The following BMP6 variants were observed in gnomAD, a reference collection of about 807,000 sequenced individuals.
BMP6 encodes the protein bone morphogenetic protein 6, also known as VG-1-R.
BMP6 carries 17 observed loss-of-function variants against 54.1 expected under a neutral mutation model. That is an observed-to-expected ratio of 0.31 (90% CI 0.22 to 0.47). The LOEUF (loss-of-function observed/expected upper bound fraction) is 0.47. Ranked by LOEUF, BMP6 falls within the 20% of genes least tolerant of loss-of-function variation. BMP6 has a pLI of 1.00. For missense variants in BMP6, 720 were observed against 690.4 expected (o/e 1.04, Z -0.48); for synonymous variants, 328 against 291.2 (o/e 1.13, Z -1.28).
intron 1 of BMP6, among the ~76,000 whole-genome samples, chr6:7,768,419 C>T (rs1757725774): frequency 6.6e-6 from 1 of 152,074 alleles, no homozygotes; most frequent in African/African-American, 2.4e-5. Context: ...GGTTTCTGCT[C>T]TGGTAAGTTT....
chr6:7,868,529 C>T (rs1759466420), intron 4 of BMP6, among the ~76,000 whole-genome samples: 1 of 152,244 alleles, frequency 6.6e-6, no homozygotes, highest in Non-Finnish European at 1.5e-5. Context: ...AAAGAGCGGC[C>T]AGGCCCATGA....
At chr6:7,826,566 C>T (rs7738330) in intron 1 of BMP6, among the ~76,000 whole-genome samples, 20,875 of 152,180 alleles carry the variant, frequency 0.14, 1,825 homozygotes, top group African/African-American at 0.24. Context: ...CCATCAGTTG[C>T]GCTGATTACT....
intron 1 of BMP6, among the ~76,000 whole-genome samples, chr6:7,728,057 C>T (rs909288956): frequency 2.0e-5 from 3 of 152,112 alleles, no homozygotes. Flanking sequence ...CCGCCTTTTG[C>T]CCCCTAACTT....
intron 1 of BMP6, among the ~76,000 whole-genome samples, chr6:7,806,225 G>T (rs921976792): frequency 4.6e-5 from 7 of 152,210 alleles, no homozygotes; most frequent in Non-Finnish European, 7.3e-5. Flanking sequence ...GCAGATCAGG[G>T]TCTTCAAGTG....
At chr6:7,861,804 A>T (rs1759340054) in intron 3 of BMP6, among the ~76,000 whole-genome samples, 1 of 152,200 alleles carries the variant, frequency 6.6e-6, no homozygotes, top group South Asian at 2.1e-4. Context: ...GGCTTGGGCA[A>T]CTTGGAGACA....
intron 1 of BMP6, among the ~76,000 whole-genome samples, chr6:7,798,733 A>G (rs899722370): frequency 5.3e-5 from 8 of 152,288 alleles, no homozygotes; most frequent in South Asian, 2.1e-4. Context: ...GAGAAAAACT[A>G]TTTCAAAATA....
chr6:7,817,635 A>G (rs1479522259), intron 1 of BMP6, among the ~76,000 whole-genome samples: 1 of 151,950 alleles, frequency 6.6e-6, no homozygotes, highest in African/African-American at 2.4e-5. Flanking sequence ...ATGATGAGTT[A>G]ATGGGTGCAG....
chr6:7,739,378 A>G (rs1158058035), intron 1 of BMP6, among the ~76,000 whole-genome samples: 2 of 152,182 alleles, frequency 1.3e-5, no homozygotes, highest in African/African-American at 4.8e-5. Flanking sequence ...AATATTCTGG[A>G]AGCTTAAATA....
At chr6:7,732,600 A>C (rs966235197) in intron 1 of BMP6, among the ~76,000 whole-genome samples, 1 of 152,226 alleles carries the variant, frequency 6.6e-6, no homozygotes, top group African/African-American at 2.4e-5. Flanking sequence ...CTGTGTCTTC[A>C]GAGAGTAACT....
chr6:7,830,333 C>T (rs187307498), intron 1 of BMP6, among the ~76,000 whole-genome samples: 3 of 152,328 alleles, frequency 2.0e-5, no homozygotes, highest in Admixed American at 6.5e-5. Context: ...TGCTCAGACT[C>T]AGCAAATATT....
At chr6:7,823,941 G>A (rs1758653303) in intron 1 of BMP6, among the ~76,000 whole-genome samples, 1 of 152,208 alleles carries the variant, frequency 6.6e-6, no homozygotes, top group African/African-American at 2.4e-5. Context: ...TACCTACTGG[G>A]AATGATATCA....
Position 7,880,117 on chromosome 6 carries a change from CTTTGT to C in BMP6, c.1392+22_1392+26del, listed in dbSNP as rs566611196. 1.2e-6 allele frequency: 2 copies of C among 1,614,076 alleles called. No homozygotes were observed. The highest frequency in any genetic ancestry group is 1.7e-6 in the Non-Finnish European group (2 of 1,179,966). On this transcript the variant is annotated intron_variant, in intron 6 of 6. Coordinates refer to ENST00000283147, the MANE Select transcript of BMP6 (RefSeq NM_001718.6). The stretch of plus-strand genomic sequence containing the variant: ...GCAGACCTTGGTGAGCTCTCGGAGA[CTTTGT>C]TTTGTAAGTGGGAGTAAGCCAAGAC...
intron 4 of BMP6, among the ~76,000 whole-genome samples, chr6:7,864,447 T>C (rs1759386042): frequency 1.3e-5 from 2 of 152,184 alleles, no homozygotes; most frequent in Non-Finnish European, 2.9e-5. Flanking sequence ...TTGTAGGAAG[T>C]AGGTTCTCAG....
intron 1 of BMP6, among the ~76,000 whole-genome samples, chr6:7,747,080 C>G (rs1004415990): frequency 1.3e-5 from 2 of 152,162 alleles, no homozygotes; most frequent in East Asian, 3.9e-4. Context: ...GTTTTATTTA[C>G]CGAGGACAAT....
rs183092840 is a variant in BMP6 at position 7,799,232 on chromosome 6, A to G, written c.665-45908A>G. Reference sequence around the variant, plus strand: ...TGGAGTGCCAAGCTAATTTGTTAAAATTACTATACTCCTTTCTCAATTATC... The same window carrying G: ...TGGAGTGCCAAGCTAATTTGTTAAAGTTACTATACTCCTTTCTCAATTATC... On this transcript the variant is annotated intron_variant, in intron 1 of 6. Coordinates refer to ENST00000283147, the MANE Select transcript of BMP6 (RefSeq NM_001718.6). 1.9e-4 allele frequency among the ~76,000 whole-genome samples: 29 copies of G among 152,334 alleles called. 2 individuals are homozygous for G. In the East Asian group the frequency reaches 5.6e-3, roughly 29 times the overall value.
chr6:7,778,949 A>T (rs1165283684), intron 1 of BMP6, among the ~76,000 whole-genome samples: 1 of 152,248 alleles, frequency 6.6e-6, no homozygotes, highest in Non-Finnish European at 1.5e-5. Flanking sequence ...TTATACACTG[A>T]GGACAGGTGC....
At chr6:7,847,895 A>G (rs1759089980) in intron 2 of BMP6, among the ~76,000 whole-genome samples, 1 of 152,228 alleles carries the variant, frequency 6.6e-6, no homozygotes, top group Non-Finnish European at 1.5e-5. Flanking sequence ...AACACTTGAT[A>G]CTTTACTCAA....
At chr6:7,818,976 C>T (rs1241317697) in intron 1 of BMP6, among the ~76,000 whole-genome samples, 1 of 152,092 alleles carries the variant, frequency 6.6e-6, no homozygotes, top group Admixed American at 6.5e-5. Flanking sequence ...CAGGGTAAGA[C>T]ATGAGGACAT....
chr6:7,757,637 C>T (rs1194531737), intron 1 of BMP6, among the ~76,000 whole-genome samples: 3 of 152,178 alleles, frequency 2.0e-5, no homozygotes, highest in Non-Finnish European at 4.4e-5. Flanking sequence ...CTGTGAGTCC[C>T]AAAGTTGCTT....
Sources: allele counts gnomAD v4.1 joint callset (sites outside exome capture counted in the v4.1 genomes callset), GRCh38; gene constraint gnomAD v4.1.1; transcripts MANE v1.5; gene names NCBI Gene and HGNC (gene_info 2026-07-23, HGNC 2026-07-21).